The following CTNND2 variants were observed in gnomAD, a reference collection of about 807,000 sequenced individuals.
CTNND2 encodes catenin delta 2, also known as catenin delta-2.
Under a neutral mutation model 144.4 loss-of-function variants are expected in CTNND2, and 22 were observed. The observed-to-expected ratio is 0.15, with a 90% CI of 0.11 to 0.22. CTNND2 has a LOEUF of 0.22. Ranked by LOEUF, CTNND2 falls within the 10% of genes least tolerant of loss-of-function variation. The pLI, the probability that CTNND2 is intolerant of heterozygous loss-of-function variation, is 1.00. For synonymous variants in CTNND2, 751 were observed against 695.6 expected, an observed-to-expected ratio of 1.08 and a Z score of -1.25; for missense variants, 1,353 against 1,618.8, an observed-to-expected ratio of 0.84 and a Z score of 2.82.
intron 3 of CTNND2, among the ~76,000 whole-genome samples, chr5:11,550,811 T>C (rs913986693): frequency 6.6e-6 from 1 of 152,232 alleles, no homozygotes; most frequent in African/African-American, 2.4e-5. Flanking sequence ...AGGGTTCTTG[T>C]TGAAAATGGA....
At chr5:11,737,888 G>A (rs1410303609) in intron 1 of CTNND2, among the ~76,000 whole-genome samples, 1 of 152,204 alleles carries the variant, frequency 6.6e-6, no homozygotes, top group Non-Finnish European at 1.5e-5. Flanking sequence ...GGGAAGAGAG[G>A]TGGCCTACTG....
chr5:11,480,990 T>C (rs577896688), intron 3 of CTNND2, among the ~76,000 whole-genome samples: 1 of 152,242 alleles, frequency 6.6e-6, no homozygotes, highest in African/African-American at 2.4e-5. Context: ...CACATGACGA[T>C]ATTTTGAATT....
intron 1 of CTNND2, among the ~76,000 whole-genome samples, chr5:11,850,821 T>C (rs1485567266): frequency 1.3e-5 from 2 of 152,226 alleles, no homozygotes; most frequent in African/African-American, 4.8e-5. Context: ...AATAAATATC[T>C]GAAGCTTCCA....
chr5:11,601,900 G>A (rs1184839964), intron 2 of CTNND2, among the ~76,000 whole-genome samples: 3 of 152,034 alleles, frequency 2.0e-5, no homozygotes, highest in Non-Finnish European at 4.4e-5. Flanking sequence ...CACCTAGATA[G>A]TAGTACTATG....
intron 1 of CTNND2, among the ~76,000 whole-genome samples, chr5:11,739,334 G>T (rs1478690076): frequency 1.3e-5 from 2 of 152,202 alleles, no homozygotes; most frequent in Non-Finnish European, 2.9e-5. Flanking sequence ...AAGCCACAGT[G>T]AGAGGAGACC....
intron 12 of CTNND2, among the ~76,000 whole-genome samples, chr5:11,148,332 C>T (rs1277006040): frequency 1.3e-5 from 2 of 152,134 alleles, no homozygotes; most frequent in East Asian, 3.9e-4. Flanking sequence ...TAAATTTATT[C>T]TGAATTAGTT....
chr5:11,090,272 G>A (rs966841652), intron 15 of CTNND2, among the ~76,000 whole-genome samples: 2 of 152,238 alleles, frequency 1.3e-5, no homozygotes, highest in African/African-American at 4.8e-5. Flanking sequence ...GAAGTTGACT[G>A]CTCAGGTGAC....
intron 3 of CTNND2, among the ~76,000 whole-genome samples, chr5:11,549,166 C>G (rs1441060834): frequency 6.6e-6 from 1 of 152,184 alleles, no homozygotes; most frequent in Non-Finnish European, 1.5e-5. Flanking sequence ...TTAACCAGCA[C>G]AAGGTCTTGC....
chr5:11,661,827 C>T (rs910256372), intron 2 of CTNND2, among the ~76,000 whole-genome samples: 12 of 151,768 alleles, frequency 7.9e-5, no homozygotes, highest in East Asian at 1.9e-4. Context: ...GGACTGGTAC[C>T]GGCTGGTAGC....
intron 3 of CTNND2, among the ~76,000 whole-genome samples, chr5:11,532,934 T>C (rs1485072247): frequency 6.6e-6 from 1 of 152,186 alleles, no homozygotes; most frequent in East Asian, 1.9e-4. Context: ...TCACTTTGCA[T>C]AAAAGAAGTA....
intron 1 of CTNND2, among the ~76,000 whole-genome samples, chr5:11,813,286 C>T (rs536586653): frequency 3.2e-4 from 48 of 152,152 alleles, no homozygotes; most frequent in Non-Finnish European, 5.3e-4. Flanking sequence ...ATTCGCATAA[C>T]GACGAAGTGC....
In CTNND2 at chr5:11,411,569, T is replaced by C. The variant is rs760711047; in HGVS notation, c.406A>G (p.Ile136Val). 2 of 1,610,194 alleles carry C rather than the reference T, an allele frequency of 1.2e-6. No individual in the cohort carries two copies. The highest frequency in any genetic ancestry group is 1.7e-6 in the Non-Finnish European group (2 of 1,176,856). Residue 136 changes from isoleucine (I) to valine (V), a missense_variant, in exon 5 of 22, where the codon ATA becomes GTA. By Grantham distance (29) the Ile-to-Val change is conservative. Coordinates refer to ENST00000304623, the MANE Select transcript of CTNND2 (RefSeq NM_001332.4). ...GTAGAATAATCCTGTGGGTCAAGTA[T>C]TCCTGATTCCTGTAGTGACCTAATA... ...SCIRSLQESGILDPQDYSTGE... is the reference protein window; with the variant it reads ...SCIRSLQESGVLDPQDYSTGE...
intron 3 of CTNND2, among the ~76,000 whole-genome samples, chr5:11,502,924 C>T (rs966453096): frequency 6.6e-6 from 1 of 152,114 alleles, no homozygotes; most frequent in African/African-American, 2.4e-5. Flanking sequence ...AGTACATGTA[C>T]AAGGATATGA....
intron 3 of CTNND2, among the ~76,000 whole-genome samples, chr5:11,541,892 T>C (rs1437538894): frequency 7.6e-6 from 1 of 131,774 alleles, no homozygotes; most frequent in African/African-American, 2.9e-5. Flanking sequence ...ATTGCTTCCC[T>C]CACCCCAAGC....
chr5:11,091,024 T>G (rs1288882060), intron 15 of CTNND2, among the ~76,000 whole-genome samples: 1 of 152,192 alleles, frequency 6.6e-6, no homozygotes, highest in African/African-American at 2.4e-5. Flanking sequence ...CTGTTTAAGC[T>G]GCTTTGATCT....
intron 1 of CTNND2, among the ~76,000 whole-genome samples, chr5:11,760,541 G>A (rs1789200543): frequency 6.6e-6 from 1 of 151,896 alleles, no homozygotes; most frequent in Non-Finnish European, 1.5e-5. Flanking sequence ...AAAATGCCGT[G>A]GTATTATAGA....
At chr5:11,032,540 C>T (rs1319866674) in intron 16 of CTNND2, among the ~76,000 whole-genome samples, 1 of 152,148 alleles carries the variant, frequency 6.6e-6, no homozygotes, top group Non-Finnish European at 1.5e-5. Context: ...TGCTTAGTTA[C>T]TGAAAATGTC....
intron 2 of CTNND2, among the ~76,000 whole-genome samples, chr5:11,697,845 C>T (rs751511458): frequency 1.3e-5 from 2 of 152,048 alleles, no homozygotes; most frequent in Non-Finnish European, 2.9e-5. Context: ...AAACTGCAGC[C>T]TAAAGGACGG....
chr5:11,371,261 C>T (rs930250835), intron 7 of CTNND2, among the ~76,000 whole-genome samples: 5 of 152,180 alleles, frequency 3.3e-5, no homozygotes, highest in African/African-American at 1.2e-4. Flanking sequence ...TGGCTTGATA[C>T]CTGTTATCAT....
Sources: gnomAD v4.1 joint callset for allele counts (sites outside exome capture counted in the v4.1 genomes callset) on GRCh38, gnomAD v4.1.1 for gene constraint, MANE v1.5 for transcripts, NCBI Gene and HGNC (gene_info 2026-07-23, HGNC 2026-07-21) for gene names.